FAIM2: variants seen among roughly 807,000 people sequenced by gnomAD.
FAIM2 encodes protein lifeguard 2.
A neutral mutation model predicts 47.4 loss-of-function variants in FAIM2; 27 were observed. That is an observed-to-expected ratio of 0.57 (90% CI 0.42 to 0.78). FAIM2 has a LOEUF of 0.78. Among genes scored for constraint, FAIM2 ranks in the 30% least tolerant of loss-of-function variants. FAIM2 has a pLI of 0.00. For missense variants in FAIM2, 311 were observed against 389.4 expected, an observed-to-expected ratio of 0.80 and a Z score of 1.69; for synonymous variants, 156 against 159.3, an observed-to-expected ratio of 0.98 and a Z score of 0.16.
intron 5 of FAIM2, among the ~76,000 whole-genome samples, chr12:49,895,849 G>A (rs772760926): frequency 6.6e-6 from 1 of 152,218 alleles, no homozygotes; most frequent in Non-Finnish European, 1.5e-5. Flanking sequence ...CAGTGTGTAA[G>A]CTCCTTGGCC....
At chr12:49,898,375 CATACGAATGTG>C in intron 2 of FAIM2, among the ~76,000 whole-genome samples, 1 of 152,376 alleles carries the variant, frequency 6.6e-6, no homozygotes, top group Admixed American at 6.5e-5. Flanking sequence ...CAAGCTCTGC[CATACGAATGTG>C]AATCTCCCAT....
intron 11 of FAIM2, among the ~76,000 whole-genome samples, chr12:49,876,453 G>T (rs957856270): frequency 6.6e-6 from 1 of 152,140 alleles, no homozygotes; most frequent in African/African-American, 2.4e-5. Flanking sequence ...AAATGACAAG[G>T]TTATCATTTA....
Position 49,903,809 on chromosome 12 carries a change from GA to G in FAIM2, c.-18del. The G allele has an allele frequency of 6.5e-7, 1 of 1,540,088 alleles. No homozygotes were observed. Among genetic ancestry groups the G allele is most frequent in the African/African-American group, 1.4e-5 (1 of 72,438 alleles). On this transcript the variant is annotated 5_prime_UTR_variant, in exon 1 of 12. Coordinates refer to ENST00000320634, the MANE Select transcript of FAIM2 (RefSeq NM_012306.4). ...CTGGGTCATGGTGCCGTCTCTCGGG[GA>G]AGGGGTCCCTGAGGCCCGGGTGGCC...
Position 49,870,559 on chromosome 12 carries a change from T to A in FAIM2, c.896A>T (p.Asp299Val), listed in dbSNP as rs1317791401. The A allele has an allele frequency of 9.3e-6, 15 of 1,613,672 alleles. No homozygotes were observed. The highest frequency in any genetic ancestry group is 1.3e-5 in the Non-Finnish European group (15 of 1,179,762). ...YIFGALNIYL[D>V]IIYIFTFFLQ... ...GAAGAAGGTGAAGATATAGATGATG[T>A]CTAGGTAAATGTTGAGGGCTCCAAA... The change falls in exon 12 of 12, where the codon GAC (aspartate) becomes GTC (valine). Residue 299 changes from aspartate to valine, a missense_variant. By Grantham distance (152) the Asp-to-Val change is radical. Coordinates refer to ENST00000320634, the MANE Select transcript of FAIM2 (RefSeq NM_012306.4).
At chr12:49,901,476 T>C (rs2137109871) in intron 1 of FAIM2, 151 bp from the exon 2 acceptor site, 2 of 594,220 alleles carry the variant, frequency 3.4e-6, no homozygotes, top group South Asian at 5.1e-5. Context: ...ATGTCTCTAT[T>C]TTATAGACAA....
intron 11 of FAIM2, among the ~76,000 whole-genome samples, chr12:49,877,970 G>GTGTATGTGTATGTGTATGTGTA (rs1454596634): frequency 6.6e-6 from 1 of 150,972 alleles, no homozygotes; most frequent in African/African-American, 2.5e-5. Context: ...GTATGTGTAT[G>GTGTATGTGTATGTGTATGTGTA]TGTGCATGTA....
At position 49,867,926 on chromosome 12, in the gene FAIM2, G is replaced by T. The variant is rs1273116820; in HGVS notation, c.*2578C>A. The T allele has an allele frequency of 6.6e-6, 1 of 152,652 alleles. No individual in the cohort carries two copies. Among genetic ancestry groups the T allele is most frequent in the Admixed American group, 6.5e-5 (1 of 15,274 alleles). The allele number at this position is 152,652 out of a possible 1,614,324, so 9.5% of individuals were successfully genotyped here. Reference sequence around the variant, plus strand: ...TCAGGACCCAGAGTAGGAGGCTGCGGCATCTTCTGCCCGGCTTCCCCAGCT... The same window carrying T: ...TCAGGACCCAGAGTAGGAGGCTGCGTCATCTTCTGCCCGGCTTCCCCAGCT... On this transcript the variant is annotated 3_prime_UTR_variant, in exon 12 of 12. Coordinates refer to ENST00000320634, the MANE Select transcript of FAIM2 (RefSeq NM_012306.4).
intron 2 of FAIM2, among the ~76,000 whole-genome samples, chr12:49,899,794 G>A (rs991918934): frequency 6.6e-6 from 1 of 152,230 alleles, no homozygotes; most frequent in African/African-American, 2.4e-5. Context: ...GATCCCAGCA[G>A]GTCTTGCAAA....
At chr12:49,901,034 G>T in intron 2 of FAIM2, 96 bp downstream of exon 2, 4 of 948,074 alleles carry the variant, frequency 4.2e-6, no homozygotes, top group Admixed American at 6.6e-5. Context: ...ACCACACAGT[G>T]TACCTCTTTC....
intron 11 of FAIM2, among the ~76,000 whole-genome samples, chr12:49,881,435 C>A (rs1024753820): frequency 6.6e-6 from 1 of 152,112 alleles, no homozygotes; most frequent in Non-Finnish European, 1.5e-5. Context: ...GACTTGGGCT[C>A]CTGATTTAGG....
At chr12:49,899,252 T>A (rs1004674786) in intron 2 of FAIM2, among the ~76,000 whole-genome samples, 3 of 152,178 alleles carry the variant, frequency 2.0e-5, no homozygotes, top group Non-Finnish European at 4.4e-5. Flanking sequence ...GTGCCCCTCA[T>A]CGTGGCCATT....
chr12:49,889,304 C>A, intron 9 of FAIM2, 102 bp from the exon 10 acceptor site: 2 of 1,062,732 alleles, frequency 1.9e-6, no homozygotes, highest in Non-Finnish European at 1.4e-6. Context: ...TGTGCTTACC[C>A]CAAGAACCTG....
intron 5 of FAIM2, among the ~76,000 whole-genome samples, chr12:49,893,400 A>T (rs1317799998): frequency 6.6e-6 from 1 of 152,092 alleles, no homozygotes; most frequent in African/African-American, 2.4e-5. Flanking sequence ...CACTGCAGGC[A>T]TACCTCAACC....
chr12:49,878,151 T>C lies in FAIM2; in HGVS notation c.802-7498A>G, dbSNP rs978688862. Among the ~76,000 whole-genome samples, 22 of 120,994 alleles carry C rather than the reference T, an allele frequency of 1.8e-4. 2 individuals are homozygous for C. The highest frequency in any genetic ancestry group is 4.0e-4 in the Admixed American group (4 of 10,082). 79.4% of individuals were successfully genotyped at this position (120,994 alleles called of 152,430 possible). On this transcript the variant is annotated intron_variant, in intron 11 of 11. Transcript: ENST00000320634. ...GCATGTGAGTGTGCATGTGAGTGTG[T>C]GTATGAGTGTATGTGTGTATGTGCA...
intron 11 of FAIM2, among the ~76,000 whole-genome samples, chr12:49,878,070 G>A (rs1228698442): frequency 3.4e-5 from 5 of 147,120 alleles, no homozygotes; most frequent in Admixed American, 6.9e-5. Context: ...GCGTGTATGT[G>A]TGTTTATGTG....
rs1946686312 is a variant in FAIM2, at chr12:49,869,401, T to C, written c.*1103A>G. The C allele has an allele frequency of 6.5e-6, 1 of 152,840 alleles. No homozygotes were observed. The highest frequency in any genetic ancestry group is 1.5e-5 in the Non-Finnish European group (1 of 68,258). 9.5% of individuals were successfully genotyped at this position (152,840 alleles called of 1,614,324 possible). On this transcript the variant is annotated 3_prime_UTR_variant, in exon 12 of 12. Transcript: ENST00000320634. ...GTGGCCAGTGAAGCTAGAAGAGATG[T>C]GGACTGTGCCAACTATGAAGACCTC...
intron 11 of FAIM2, among the ~76,000 whole-genome samples, chr12:49,879,255 T>C (rs1260967221): frequency 8.8e-6 from 1 of 113,424 alleles, no homozygotes; most frequent in African/African-American, 3.7e-5. Context: ...TGTGTGCATG[T>C]GTGTATGTGT....
intron 1 of FAIM2, chr12:49,901,984 T>G (rs974842204): frequency 3.9e-5 from 6 of 152,420 alleles, no homozygotes; most frequent in African/African-American, 9.7e-5. Flanking sequence ...AAGGGTCTGT[T>G]CTGGCCTCAT....
intron 11 of FAIM2, among the ~76,000 whole-genome samples, chr12:49,880,494 A>ATATG (rs1555158552): frequency 1.5e-3 from 206 of 138,934 alleles, no homozygotes; most frequent in African/African-American, 3.1e-3. Context: ...ATGCATGTGT[A>ATATG]TGTGTGTGTA....
Sources: gnomAD v4.1 joint callset for allele counts (sites outside exome capture counted in the v4.1 genomes callset) on GRCh38, gnomAD v4.1.1 for gene constraint, MANE v1.5 for transcripts, NCBI Gene and HGNC (gene_info 2026-07-23, HGNC 2026-07-21) for gene names.